PSENEN: variants seen among roughly 807,000 people sequenced by gnomAD.
PSENEN encodes the protein gamma-secretase subunit PEN-2.
Under a neutral mutation model 15.4 loss-of-function variants are expected in PSENEN, and 4 were observed. That is an observed-to-expected ratio of 0.26 (90% CI 0.13 to 0.59). PSENEN has a LOEUF of 0.59. PSENEN is among the 20% of genes least tolerant of loss of function. The probability of loss-of-function intolerance (pLI) is 0.89; values close to 1 mark genes in which losing one functional copy is unlikely to be tolerated. For synonymous variants in PSENEN, 42 were observed against 46.5 expected (o/e 0.90, Z 0.39); for missense variants, 112 against 120.3 (o/e 0.93, Z 0.32).
Position 35,747,123 on chromosome 19 carries a change from T to C in PSENEN, c.*276T>C, listed in dbSNP as rs564193389. On this transcript the variant is annotated 3_prime_UTR_variant, in exon 4 of 4. Coordinates refer to ENST00000587708, the MANE Select transcript of PSENEN (RefSeq NM_172341.4). ...TAGACATGATGTACATTTTTTACAGTGCATACTACTCATAATCTTCTGAAC... is the reference window on the plus strand; with the variant it reads ...TAGACATGATGTACATTTTTTACAGCGCATACTACTCATAATCTTCTGAAC... 7.0e-5 allele frequency: 23 copies of C among 326,936 alleles called. No individual in the cohort carries two copies. The highest frequency in any genetic ancestry group is 3.3e-5 in the Non-Finnish European group (6 of 179,582). The allele number at this position is 326,936 out of a possible 1,614,324, so 20.3% of individuals were successfully genotyped here. A position where few individuals can be genotyped will look rare whatever the true frequency, so the allele number is the denominator to read the frequency against.
Position 35,746,858 on chromosome 19 carries a change from A to T in PSENEN, c.*11A>T. On this transcript the variant is annotated 3_prime_UTR_variant, in exon 4 of 4. Coordinates refer to ENST00000587708, the MANE Select transcript of PSENEN (RefSeq NM_172341.4). ...CTGGGCACCCCCTGACAACTTCTGC[A>T]CATACTGGGGCCCTGCTTATTCTCC... 1 of 1,613,578 alleles carries T rather than the reference A, an allele frequency of 6.2e-7. No homozygotes were observed. Among genetic ancestry groups the T allele is most frequent in the Non-Finnish European group, 8.5e-7 (1 of 1,179,812 alleles).
rs202086107 is a variant in PSENEN, at chr19:35,746,442, C to A, written c.85C>A (p.Leu29Ile). ...YLGGFAFLPFLWLVNIFWFFR... is the reference protein window; with the variant it reads ...YLGGFAFLPFIWLVNIFWFFR... ...AGGGGGGTTTGCTTTCCTGCCTTTT[C>A]TCTGGTTGGTCAACATCTTCTGGTT... is the stretch of plus-strand genomic sequence containing the variant. Residue 29 changes from leucine to isoleucine, a missense_variant, in exon 3 of 4, where the codon CTC becomes ATC. By Grantham distance (5) the Leu-to-Ile change is conservative. Coordinates refer to ENST00000587708, the MANE Select transcript of PSENEN (RefSeq NM_172341.4). 3 of 1,613,864 alleles carry A rather than the reference C, an allele frequency of 1.9e-6. No individual in the cohort carries two copies. Among genetic ancestry groups the A allele is most frequent in the Non-Finnish European group, 2.5e-6 (3 of 1,180,008 alleles).
In PSENEN at chr19:35,746,734, C is replaced by T. The variant is rs1216817086; in HGVS notation, c.193C>T (p.Leu65Phe). Residue 65 changes from leucine to phenylalanine, a missense_variant, in exon 4 of 4, where the codon CTC becomes TTC. By Grantham distance (22) the Leu-to-Phe change is conservative. Transcript: ENST00000587708. ...TGTCTGGCGCTCAGCTGTGGGCTTC[C>T]TCTTCTGGGTGATAGTGCTCACCTC... ...GYVWRSAVGF[L>F]FWVIVLTSWI... 2 of 1,614,050 alleles carry T rather than the reference C, an allele frequency of 1.2e-6. No homozygotes were observed. The highest frequency in any genetic ancestry group is 2.2e-5 in the East Asian group (1 of 44,896).
In PSENEN at chr19:35,746,757, C is replaced by T. The variant is rs985375925; in HGVS notation, c.216C>T (p.Thr72=). ...TCCTCTTCTGGGTGATAGTGCTCAC[C>T]TCCTGGATCACCATCTTCCAGATCT... ...VGFLFWVIVL[T]SWITIFQIYR... Residue 72 remains threonine, a synonymous_variant, in exon 4 of 4, where the codon ACC becomes ACT. Coordinates refer to ENST00000587708, the MANE Select transcript of PSENEN (RefSeq NM_172341.4). 1 of 1,614,072 alleles carries T rather than the reference C, an allele frequency of 6.2e-7. No individual in the cohort carries two copies. Among genetic ancestry groups the T allele is most frequent in the Non-Finnish European group, 8.5e-7 (1 of 1,179,998 alleles).
chr19:35,746,620 G>A, intron 3 of PSENEN, 88 bp from the exon 4 acceptor site: 1 of 1,610,504 alleles, frequency 6.2e-7, no homozygotes, highest in Non-Finnish European at 8.5e-7. Context: ...CAAAATGTTG[G>A]GGCTCTGGGT....
At chr19:35,746,289 C>A in intron 2 of PSENEN, 130 bp from the exon 3 acceptor site, 1 of 841,976 alleles carries the variant, frequency 1.2e-6, no homozygotes, top group South Asian at 1.4e-5. Flanking sequence ...GAGTCCCTGA[C>A]AACAGAAATC....
In PSENEN at chr19:35,745,916, G is replaced by A. The variant is rs771326142; in HGVS notation, c.-15G>A. On this transcript the variant is annotated 5_prime_UTR_variant, in exon 2 of 4. Coordinates refer to ENST00000587708, the MANE Select transcript of PSENEN (RefSeq NM_172341.4). ...GCCCCGCAGACCCTTGGGACGACCCGGCCCCAGCGCAGCTATGAACCTGGA... is the reference window on the plus strand; with the variant it reads ...GCCCCGCAGACCCTTGGGACGACCCAGCCCCAGCGCAGCTATGAACCTGGA... 9 of 1,613,864 alleles carry A rather than the reference G, an allele frequency of 5.6e-6. No homozygotes were observed. Among genetic ancestry groups the A allele is most frequent in the African/African-American group, 1.3e-5 (1 of 74,898 alleles).
Position 35,745,836 on chromosome 19 carries a change from GGC to G in PSENEN, c.-93_-92del. The G allele has an allele frequency of 1.7e-6, 2 of 1,207,954 alleles. No individual in the cohort carries two copies. Among genetic ancestry groups the G allele is most frequent in the Non-Finnish European group, 2.5e-6 (2 of 811,296 alleles). The allele number at this position is 1,207,954 out of a possible 1,614,324, so 74.8% of individuals were successfully genotyped here. ...TTTATCTCTGATTTGTTCTAATAGG[GGC>G]GTGGTTGTTCGTGATCCTTGCATCT... is the stretch of plus-strand genomic sequence containing the variant. On this transcript the variant is annotated splice_region_variant and 5_prime_UTR_variant, in exon 2 of 4. Transcript: ENST00000587708.
intron 2 of PSENEN, 125 bp downstream of exon 2, chr19:35,746,116 G>T: frequency 1.0e-6 from 1 of 988,340 alleles, no homozygotes; most frequent in Non-Finnish European, 1.6e-6. Flanking sequence ...GCCGACTCCT[G>T]GATTTGAGTG....
In PSENEN at chr19:35,746,514, A is replaced by G; in HGVS notation, c.157A>G (p.Ile53Val). Residue 53 changes from isoleucine to valine, a missense_variant, in exon 3 of 4, where the codon ATC becomes GTC. Physicochemically the swap from Ile to Val is conservative, Grantham distance 29. Transcript: ENST00000587708. ...LVPAYTEQSQ[I>V]KGYVWRSAVG... ...CCCAGCCTACACAGAACAGAGCCAA[A>G]TCAAAGGCTGTGAGTCTAGAGCACA... 1.2e-5 allele frequency: 20 copies of G among 1,613,314 alleles called. No individual in the cohort carries two copies. The highest frequency in any genetic ancestry group is 1.6e-5 in the Non-Finnish European group (19 of 1,179,482).
At position 35,746,430 on chromosome 19, in the gene PSENEN, T is replaced by C. The variant is rs1970571358; in HGVS notation, c.73T>C (p.Phe25Leu). The change falls in exon 3 of 4, where the codon TTC (phenylalanine) becomes CTC (leucine). Residue 25 changes from phenylalanine to leucine, a missense_variant. Coordinates refer to ENST00000587708, the MANE Select transcript of PSENEN (RefSeq NM_172341.4). Reference protein sequence around the residue: ...CRKYYLGGFAFLPFLWLVNIF... With the variant: ...CRKYYLGGFALLPFLWLVNIF... ...TTCTTTCTCCCTAGGGGGGTTTGCT[T>C]TCCTGCCTTTTCTCTGGTTGGTCAA... 6.2e-7 allele frequency: 1 copy of C among 1,613,716 alleles called. No homozygotes were observed. The highest frequency in any genetic ancestry group is 1.3e-5 in the African/African-American group (1 of 75,002).
chr19:35,746,268 G>C, intron 2 of PSENEN, 151 bp from the exon 3 acceptor site: 1 of 762,228 alleles, frequency 1.3e-6, no homozygotes, highest in Non-Finnish European at 2.2e-6. Flanking sequence ...CCAAAGAGGA[G>C]CCAGATTCCT....
At position 35,747,226 on chromosome 19, in the gene PSENEN, C is replaced by CTTTTTTT. The variant is rs36096387; in HGVS notation, c.*391_*397dup. 259 of 128,328 alleles carry CTTTTTTT rather than the reference C, an allele frequency of 2.0e-3. No homozygotes were observed. The highest frequency in any genetic ancestry group is 4.3e-3 in the Middle Eastern group (1 of 234). 7.9% of individuals were successfully genotyped at this position (128,328 alleles called of 1,614,324 possible). A position where few individuals can be genotyped will look rare whatever the true frequency, so the allele number is the denominator to read the frequency against. ...GTGCTTCCATTTCTTTTTCTTTTTT[C>CTTTTTTT]TTTTTTTTTTTTTTTTTTGAGACAG... On this transcript the variant is annotated 3_prime_UTR_variant, in exon 4 of 4. Transcript: ENST00000587708.
Position 35,746,799 on chromosome 19 carries a change from T to C in PSENEN, c.258T>C (p.Gly86=). ...TIFQIYRPRW[G]ALGDYLSFTI... ...TCCAGATCTACCGGCCCCGCTGGGGTGCCCTTGGGGACTACCTCTCCTTCA... is the reference window on the plus strand; with the variant it reads ...TCCAGATCTACCGGCCCCGCTGGGGCGCCCTTGGGGACTACCTCTCCTTCA... The change falls in exon 4 of 4, where the codon GGT becomes GGC. Residue 86 remains glycine, a synonymous_variant. Transcript: ENST00000587708. 1 of 1,613,774 alleles carries C rather than the reference T, an allele frequency of 6.2e-7. No homozygotes were observed. The highest frequency in any genetic ancestry group is 8.5e-7 in the Non-Finnish European group (1 of 1,179,908).
In PSENEN at chr19:35,745,821, A is replaced by G. The variant is rs1326673234; in HGVS notation, c.-96-14A>G. On this transcript the variant is annotated splice_polypyrimidine_tract_variant and intron_variant, in intron 1 of 3. Coordinates refer to ENST00000587708, the MANE Select transcript of PSENEN (RefSeq NM_172341.4). ...AAACCGACCTTTACATTTATCTCTG[A>G]TTTGTTCTAATAGGGGCGTGGTTGT... is the stretch of plus-strand genomic sequence containing the variant. 9.0e-7 allele frequency: 1 copy of G among 1,108,694 alleles called. No individual in the cohort carries two copies. The highest frequency in any genetic ancestry group is 1.4e-6 in the Non-Finnish European group (1 of 723,184). 68.7% of individuals were successfully genotyped at this position (1,108,694 alleles called of 1,614,324 possible).
intron 1 of PSENEN, 23 bp downstream of exon 1, chr19:35,745,723 C>T: frequency 1.5e-6 from 1 of 647,436 alleles, no homozygotes; most frequent in South Asian, 1.7e-5. Context: ...TCGTTTCGCC[C>T]ACCCTAGTAA....
rs372609539 is a variant in PSENEN, at chr19:35,746,536, C to T, written c.166+13C>T. Reference sequence around the variant, plus strand: ...CAAATCAAAGGCTGTGAGTCTAGAGCACAGAGGAGGGAGGCCAGTGGCAGG... The same window carrying T: ...CAAATCAAAGGCTGTGAGTCTAGAGTACAGAGGAGGGAGGCCAGTGGCAGG... On this transcript the variant is annotated intron_variant, in intron 3 of 3. Transcript: ENST00000587708. 6.2e-7 allele frequency: 1 copy of T among 1,609,898 alleles called. No individual in the cohort carries two copies. The highest frequency in any genetic ancestry group is 8.5e-7 in the Non-Finnish European group (1 of 1,176,756).
rs1970587773 is a variant in PSENEN at position 35,746,785 on chromosome 19, C to T, written c.244C>T (p.Arg82Trp). 7 of 1,614,046 alleles carry T rather than the reference C, an allele frequency of 4.3e-6. No individual in the cohort carries two copies. The highest frequency in any genetic ancestry group is 5.9e-6 in the Non-Finnish European group (7 of 1,179,988). ...CTGGATCACCATCTTCCAGATCTAC[C>T]GGCCCCGCTGGGGTGCCCTTGGGGA... ...TSWITIFQIY[R>W]PRWGALGDYL... The change falls in exon 4 of 4, where the codon CGG (arginine) becomes TGG (tryptophan). Residue 82 changes from arginine (R) to tryptophan (W), a missense_variant. Physicochemically the swap from Arg to Trp is moderately radical, Grantham distance 101. Transcript: ENST00000587708.
At position 35,747,226 on chromosome 19, in the gene PSENEN, CTTTT is replaced by C. The variant is rs36096387; in HGVS notation, c.*394_*397del. 37 of 128,508 alleles carry C rather than the reference CTTTT, an allele frequency of 2.9e-4. No homozygotes were observed. Among genetic ancestry groups the C allele is most frequent in the South Asian group, 2.0e-3 (9 of 4,494 alleles). The allele number at this position is 128,508 out of a possible 1,614,324, so 8.0% of individuals were successfully genotyped here. ...GTGCTTCCATTTCTTTTTCTTTTTTCTTTTTTTTTTTTTTTTTTGAGACAGAGTC... is the reference window on the plus strand; with the variant it reads ...GTGCTTCCATTTCTTTTTCTTTTTTCTTTTTTTTTTTTTTGAGACAGAGTC... On this transcript the variant is annotated 3_prime_UTR_variant, in exon 4 of 4. Transcript: ENST00000587708.
Sources: allele counts gnomAD v4.1 joint callset, GRCh38; gene constraint gnomAD v4.1.1; transcripts MANE v1.5; gene names NCBI Gene and HGNC (gene_info 2026-07-23, HGNC 2026-07-21).